The following CMTM6 variants were observed in gnomAD, a reference collection of about 807,000 sequenced individuals.
CMTM6 encodes the protein CKLF like MARVEL transmembrane domain containing 6.
CMTM6 carries 5 observed loss-of-function variants against 13.6 expected under a neutral mutation model. The ratio of observed to expected loss-of-function variants is 0.37; its 90% CI spans 0.19 to 0.77. CMTM6 has a LOEUF of 0.77. Among genes scored for constraint, CMTM6 ranks in the 30% least tolerant of loss-of-function variants. CMTM6 has a pLI of 0.50. For synonymous variants in CMTM6, 99 were observed against 84.5 expected (o/e 1.17, Z -0.94); for missense variants, 196 against 218.6 (o/e 0.90, Z 0.65).
rs1697160108 is a variant in CMTM6 at position 32,482,133 on chromosome 3, C to G, written c.*1827G>C. The G allele has an allele frequency of 6.6e-6, 1 of 152,234 alleles. No homozygotes were observed. Among genetic ancestry groups the G allele is most frequent in the African/African-American group, 2.4e-5 (1 of 41,454 alleles). 9.4% of individuals were successfully genotyped at this position (152,234 alleles called of 1,614,324 possible). A position where few individuals can be genotyped will look rare whatever the true frequency, so the allele number is the denominator to read the frequency against. ...GACCCAAAACCCAGCTATTTCTCCT[C>G]TCTTAGATGACATGCCCAATAAAAA... On this transcript the variant is annotated 3_prime_UTR_variant, in exon 4 of 4. Transcript: ENST00000205636.
intron 3 of CMTM6, 80 bp from the exon 4 acceptor site, chr3:32,484,177 T>G (rs1697182119): frequency 8.1e-7 from 1 of 1,227,690 alleles, no homozygotes. Context: ...GGAGAATGTT[T>G]CATATAAACA....
chr3:32,496,595 A>C (rs919178443), intron 1 of CMTM6, among the ~76,000 whole-genome samples: 7 of 152,210 alleles, frequency 4.6e-5, no homozygotes, highest in Non-Finnish European at 2.9e-5. Flanking sequence ...ATGTACAAGA[A>C]ACAATAATAA....
rs910162266 is a variant in CMTM6 at position 32,481,849 on chromosome 3, C to G, written c.*2111G>C. ...TGACCAACTAAGAGATCCACTTTTGCACCAATGAAACACATGGAGGTGAAA... is the reference window on the plus strand; with the variant it reads ...TGACCAACTAAGAGATCCACTTTTGGACCAATGAAACACATGGAGGTGAAA... On this transcript the variant is annotated 3_prime_UTR_variant, in exon 4 of 4. Transcript: ENST00000205636. The G allele has an allele frequency of 6.6e-6, 1 of 152,218 alleles. No homozygotes were observed. The highest frequency in any genetic ancestry group is 1.5e-5 in the Non-Finnish European group (1 of 68,038). The allele number at this position is 152,218 out of a possible 1,614,324, so 9.4% of individuals were successfully genotyped here.
intron 1 of CMTM6, among the ~76,000 whole-genome samples, chr3:32,492,900 T>C (rs1470328120): frequency 6.6e-6 from 1 of 152,268 alleles, no homozygotes; most frequent in Non-Finnish European, 1.5e-5. Context: ...TATGGACTAC[T>C]ACTTCCAGAC....
At chr3:32,486,944 T>C (rs1185173246) in intron 3 of CMTM6, among the ~76,000 whole-genome samples, 2 of 152,218 alleles carry the variant, frequency 1.3e-5, no homozygotes, top group Non-Finnish European at 2.9e-5. Context: ...GCCATGACTG[T>C]AAATTTCCTG....
intron 2 of CMTM6, among the ~76,000 whole-genome samples, chr3:32,488,903 A>G (rs1339476630): frequency 6.6e-6 from 1 of 152,222 alleles, no homozygotes; most frequent in South Asian, 2.1e-4. Context: ...TGGTAAAATG[A>G]TAGCCACTCC....
Position 32,483,834 on chromosome 3 carries a change from G to T in CMTM6, c.*126C>A. 1 of 985,724 alleles carries T rather than the reference G, an allele frequency of 1.0e-6. No homozygotes were observed. Among genetic ancestry groups the T allele is most frequent in the Non-Finnish European group, 1.4e-6 (1 of 722,876 alleles). 61.1% of individuals were successfully genotyped at this position (985,724 alleles called of 1,614,324 possible). On this transcript the variant is annotated 3_prime_UTR_variant, in exon 4 of 4. Transcript: ENST00000205636. ...ACAATATTGATAAAACTGCCTTCTT[G>T]ACCTTCCCCTTGCTCTCCAAAAGAA...
At chr3:32,501,439 C>T (rs79809765) in intron 1 of CMTM6, among the ~76,000 whole-genome samples, 2,250 of 152,252 alleles carry the variant, frequency 0.015, 34 homozygotes, top group Middle Eastern at 0.068. Context: ...GTGGAACCAC[C>T]TAGAGGGAGA....
At chr3:32,500,673 T>C (rs1333917666) in intron 1 of CMTM6, among the ~76,000 whole-genome samples, 2 of 152,216 alleles carry the variant, frequency 1.3e-5, no homozygotes, top group Non-Finnish European at 2.9e-5. Context: ...ACCACAAAAA[T>C]TTCTGGTTGT....
chr3:32,493,677 G>T (rs1250361955), intron 1 of CMTM6, among the ~76,000 whole-genome samples: 1 of 152,142 alleles, frequency 6.6e-6, no homozygotes, highest in Non-Finnish European at 1.5e-5. Flanking sequence ...GATATGCAGA[G>T]GGGAAGAAAC....
intron 1 of CMTM6, among the ~76,000 whole-genome samples, chr3:32,496,638 C>T (rs1442090037): frequency 9.2e-5 from 14 of 152,160 alleles, no homozygotes; most frequent in Non-Finnish European, 2.1e-4. Flanking sequence ...ACTGAGCATT[C>T]ATTATATGTA....
At position 32,497,211 on chromosome 3, in the gene CMTM6, G is replaced by A. The variant is rs1008737581; in HGVS notation, c.139-5325C>T. Among the ~76,000 whole-genome samples the A allele has an allele frequency of 4.0e-5, 6 of 151,562 alleles. No individual in the cohort carries two copies. In the East Asian group the frequency reaches 7.8e-4, roughly 20 times the overall value. ...ATCCTGGCTAACATGGTGAAACCCC[G>A]TCTCTACTAAAAATACAAAAAAAAT... On this transcript the variant is annotated intron_variant, in intron 1 of 3. Coordinates refer to ENST00000205636, the MANE Select transcript of CMTM6 (RefSeq NM_017801.3).
chr3:32,491,999 G>T, intron 1 of CMTM6, 113 bp from the exon 2 acceptor site: 1 of 896,118 alleles, frequency 1.1e-6, no homozygotes, highest in Non-Finnish European at 1.7e-6. Flanking sequence ...AGGAGACTAT[G>T]GCAAACAAGA....
chr3:32,484,909 C>A (rs567588678), intron 3 of CMTM6, among the ~76,000 whole-genome samples: 1 of 152,060 alleles, frequency 6.6e-6, no homozygotes, highest in Non-Finnish European at 1.5e-5. Flanking sequence ...CTCTCCTCCC[C>A]CCTCTAAAGA....
intron 2 of CMTM6, among the ~76,000 whole-genome samples, chr3:32,490,802 G>C (rs1697243878): frequency 6.6e-6 from 1 of 152,010 alleles, no homozygotes; most frequent in Non-Finnish European, 1.5e-5. Flanking sequence ...ATGACAAAAT[G>C]ATTTCAATCT....
intron 1 of CMTM6, among the ~76,000 whole-genome samples, chr3:32,498,088 G>C (rs921701491): frequency 6.6e-6 from 1 of 152,112 alleles, no homozygotes; most frequent in African/African-American, 2.4e-5. Flanking sequence ...ATTGCTTACT[G>C]AATATTAAGC....
intron 3 of CMTM6, 22 bp downstream of exon 3, chr3:32,487,916 G>A: frequency 1.4e-5 from 21 of 1,544,488 alleles, no homozygotes; most frequent in Middle Eastern, 1.7e-4. Context: ...AATAAGCAAT[G>A]TTAAAAATAC....
chr3:32,485,867 T>C (rs1164260382), intron 3 of CMTM6, among the ~76,000 whole-genome samples: 2 of 152,212 alleles, frequency 1.3e-5, no homozygotes, highest in African/African-American at 4.8e-5. Flanking sequence ...ACTCTATTAA[T>C]TACAACTTCA....
intron 1 of CMTM6, among the ~76,000 whole-genome samples, chr3:32,495,172 T>C (rs192282529): frequency 6.6e-6 from 1 of 152,120 alleles, no homozygotes; most frequent in East Asian, 1.9e-4. Context: ...AAAGAATTTA[T>C]ATAAAAGAAA....
Sources: gnomAD v4.1 joint callset for allele counts (sites outside exome capture counted in the v4.1 genomes callset) on GRCh38, gnomAD v4.1.1 for gene constraint, MANE v1.5 for transcripts, NCBI Gene and HGNC (gene_info 2026-07-23, HGNC 2026-07-21) for gene names.